Variants in MMP12 observed in about 807,000 individuals in gnomAD.
MMP12 encodes the protein macrophage metalloelastase.
A neutral mutation model predicts 45.2 loss-of-function variants in MMP12; 51 were observed. The ratio of observed to expected loss-of-function variants is 1.13; its 90% confidence interval spans 0.90 to 1.42. The LOEUF is 1.42. Ranked by LOEUF, MMP12 falls within the 40% of genes most tolerant of loss-of-function variation. MMP12 has a pLI of 0.00. For synonymous variants in MMP12, 210 were observed against 193.3 expected, an observed-to-expected ratio of 1.09 and a Z score of -0.72; for missense variants, 530 against 570.8, an observed-to-expected ratio of 0.93 and a Z score of 0.73.
chr11:102,872,501 C>T (rs1859518371), intron 2 of MMP12, among the ~76,000 whole-genome samples: 1 of 152,110 alleles, frequency 6.6e-6, no homozygotes, highest in Non-Finnish European at 1.5e-5. Flanking sequence ...CCACCACGCC[C>T]AGCTAATTTT....
chr11:102,867,124 G>C, intron 6 of MMP12, 146 bp downstream of exon 6: 1 of 636,484 alleles, frequency 1.6e-6, no homozygotes, highest in Non-Finnish European at 2.5e-6. Flanking sequence ...AAACCTTTAA[G>C]ATCTCCTCAC....
At position 102,872,976 on chromosome 11, in the gene MMP12, T is replaced by G. The variant is rs1555009620; in HGVS notation, c.239A>C (p.Asp80Ala). ...FLGLKVTGQLDTSTLEMMHAP... is the reference protein window; with the variant it reads ...FLGLKVTGQLATSTLEMMHAP... ...GTGCATCATCTCCAGGGTAGATGTG[T>G]CCAGTTGCCCGGTCACTTTCAGACC... is the stretch of plus-strand genomic sequence containing the variant. Residue 80 changes from aspartate (D) to alanine (A), a missense_variant, in exon 2 of 10, where the codon GAC becomes GCC. Physicochemically the swap from Asp to Ala is moderately radical, Grantham distance 126. Transcript: ENST00000571244. The G allele has an allele frequency of 6.2e-7, 1 of 1,613,592 alleles. No homozygotes were observed. Among genetic ancestry groups the G allele is most frequent in the Non-Finnish European group, 8.5e-7 (1 of 1,179,788 alleles).
At chr11:102,864,939 G>C (rs1053421167) in intron 8 of MMP12, among the ~76,000 whole-genome samples, 2 of 152,178 alleles carry the variant, frequency 1.3e-5, no homozygotes, top group Non-Finnish European at 2.9e-5. Context: ...AAACTAAACA[G>C]AAACACTGTT....
rs1555009603 is a variant in MMP12 at position 102,872,939 on chromosome 11, A to C, written c.276T>G (p.Cys92Trp). The C allele has an allele frequency of 2.5e-6, 4 of 1,613,614 alleles. No individual in the cohort carries two copies. Among genetic ancestry groups the C allele is most frequent in the African/African-American group, 1.3e-5 (1 of 74,910 alleles). ...STLEMMHAPRCGVPDVHHFRE... is the reference protein window; with the variant it reads ...STLEMMHAPRWGVPDVHHFRE... ...TGAAATGATGGACATCGGGGACTCC[A>C]CATCGAGGTGCGTGCATCATCTCCA... Residue 92 changes from cysteine to tryptophan, a missense_variant, in exon 2 of 10, where the codon TGT (cysteine) becomes TGG (tryptophan). Transcript: ENST00000571244.
intron 6 of MMP12, 64 bp from the exon 7 acceptor site, chr11:102,866,512 A>T (rs1361414613): frequency 1.3e-6 from 2 of 1,539,472 alleles, no homozygotes; most frequent in Non-Finnish European, 1.8e-6. Context: ...ATGGCATGTG[A>T]ATGGGAGGGA....
intron 9 of MMP12, among the ~76,000 whole-genome samples, chr11:102,863,826 G>T (rs782187160): frequency 1.3e-5 from 2 of 152,210 alleles, no homozygotes; most frequent in Non-Finnish European, 2.9e-5. Context: ...AGTCTTGGCT[G>T]CCATGTGCTC....
In MMP12 at chr11:102,865,271, C is replaced by G. The variant is rs1387430510; in HGVS notation, c.1205+505G>C. Among the ~76,000 whole-genome samples, 3 of 152,170 alleles carry G rather than the reference C, an allele frequency of 2.0e-5. No homozygotes were observed. The highest frequency in any genetic ancestry group is 4.4e-5 in the Non-Finnish European group (3 of 68,026). On this transcript the variant is annotated intron_variant, in intron 8 of 9. Coordinates refer to ENST00000571244, the MANE Select transcript of MMP12 (RefSeq NM_002426.6). The surrounding 1 kb of genome is among the most constrained non-coding windows in gnomAD (Gnocchi z 4.1). ...ATCCTCTCCTCCTTCAAAATGTAGA[C>G]AATTGAGACAACAGAGACAGACACT...
At chr11:102,870,207 T>C (rs1859467366) in intron 4 of MMP12, among the ~76,000 whole-genome samples, 1 of 152,142 alleles carries the variant, frequency 6.6e-6, no homozygotes, top group Admixed American at 6.5e-5. Context: ...TTCCAAAACA[T>C]TTTTTTGAGG....
intron 9 of MMP12, 54 bp downstream of exon 9, chr11:102,864,092 T>A (rs1167444501): frequency 4.6e-6 from 6 of 1,318,654 alleles, no homozygotes; most frequent in Non-Finnish European, 6.5e-6. Flanking sequence ...CTTAGAGGAT[T>A]TATAGCTTTG....
At chr11:102,868,435 C>A (rs1555008934) in intron 4 of MMP12, among the ~76,000 whole-genome samples, 1 of 152,148 alleles carries the variant, frequency 6.6e-6, no homozygotes, top group Non-Finnish European at 1.5e-5. Flanking sequence ...GTAAAAATTC[C>A]TAGAATAACT....
chr11:102,866,372 A>C lies in MMP12; in HGVS notation c.988T>G (p.Ser330Ala), dbSNP rs1362714176. ...LISSLWPTLP[S>A]GIEAAYEIEA... ...ATTTCATAAGCAGCTTCAATGCCAG[A>C]TGGCAAGGTTGGCCATAAGGAAGAA... The change falls in exon 7 of 10, where the codon TCT (serine) becomes GCT (alanine). Residue 330 changes from serine (S) to alanine (A), a missense_variant. By Grantham distance (99) the Ser-to-Ala change is moderately conservative. Coordinates refer to ENST00000571244, the MANE Select transcript of MMP12 (RefSeq NM_002426.6). 6.2e-6 allele frequency: 10 copies of C among 1,604,676 alleles called. No homozygotes were observed. In the Admixed American group the frequency reaches 1.7e-4, roughly 27 times the overall value.
chr11:102,873,576 G>A (rs1419272469), intron 1 of MMP12, among the ~76,000 whole-genome samples: 1 of 151,960 alleles, frequency 6.6e-6, no homozygotes, highest in African/African-American at 2.4e-5. Flanking sequence ...CTCCAGCCTG[G>A]ATGACAGACA....
In MMP12 at chr11:102,865,545, G is replaced by A. The variant is rs1859368672; in HGVS notation, c.1205+231C>T. Reference sequence around the variant, plus strand: ...GATTAATAAGATGACATTTTATTTAGAGTGTTTTTTTAAAAAAAAACACAC... The same window carrying A: ...GATTAATAAGATGACATTTTATTTAAAGTGTTTTTTTAAAAAAAAACACAC... On this transcript the variant is annotated intron_variant, in intron 8 of 9. Coordinates refer to ENST00000571244, the MANE Select transcript of MMP12 (RefSeq NM_002426.6). This position sits in a 1 kb window ranked among gnomAD's most constrained non-coding sequence, Gnocchi z 4.1. Among the ~76,000 whole-genome samples, 1 of 151,476 alleles carries A rather than the reference G, an allele frequency of 6.6e-6. No homozygotes were observed. The highest frequency in any genetic ancestry group is 1.5e-5 in the Non-Finnish European group (1 of 67,820).
chr11:102,867,156 G>A (rs1181367020), intron 6 of MMP12, 114 bp downstream of exon 6: 7 of 967,498 alleles, frequency 7.2e-6, no homozygotes. Context: ...TCGAGTCCAA[G>A]TTCCTGCTTA....
rs1555008206 is a variant in MMP12, at chr11:102,864,256, A to T, written c.1206-4T>A. The T allele has an allele frequency of 1.2e-6, 2 of 1,600,408 alleles. No homozygotes were observed. The highest frequency in any genetic ancestry group is 4.5e-5 in the East Asian group (2 of 44,792). The stretch of plus-strand genomic sequence containing the variant: ...CATCTGTCTCCTTTCATCATACCTG[A>T]GCAAAGAAGTAACCAGCAGGAACTC... On this transcript the variant is annotated splice_polypyrimidine_tract_variant and splice_region_variant and intron_variant, in intron 8 of 9. Transcript: ENST00000571244.
At chr11:102,867,038 T>G (rs937452875) in intron 6 of MMP12, among the ~76,000 whole-genome samples, 1 of 152,194 alleles carries the variant, frequency 6.6e-6, no homozygotes, top group Admixed American at 6.5e-5. Flanking sequence ...CATCCCAGAT[T>G]CCTACTGCAA....
At chr11:102,869,753 A>G (rs1859459177) in intron 4 of MMP12, among the ~76,000 whole-genome samples, 1 of 151,994 alleles carries the variant, frequency 6.6e-6, no homozygotes, top group South Asian at 2.1e-4. Context: ...TCTGCCAAAA[A>G]AAAAAAAAAA....
chr11:102,867,493 T>G (rs1859414186), intron 5 of MMP12, 100 bp from the exon 6 acceptor site: 3 of 1,162,590 alleles, frequency 2.6e-6, no homozygotes, highest in African/African-American at 1.6e-5. Flanking sequence ...TAATGAACAT[T>G]GCATCAAAAT....
intron 9 of MMP12, 32 bp from the exon 10 acceptor site, chr11:102,863,232 TCCCTCCC>T: frequency 3.7e-5 from 44 of 1,178,402 alleles, no homozygotes; most frequent in Non-Finnish European, 5.5e-5. Context: ...ATAGTTTAAT[TCCCTCCC>T]TGTATTTCTT....
Sources: gnomAD v4.1 joint callset for allele counts (sites outside exome capture counted in the v4.1 genomes callset) on GRCh38, gnomAD v4.1.1 for gene constraint, Gnocchi (gnomAD v3.1) non-coding constraint, MANE v1.5 for transcripts, NCBI Gene and HGNC (gene_info 2026-07-23, HGNC 2026-07-21) for gene names.